Variants in EXD2 observed in about 807,000 individuals in gnomAD.
EXD2 encodes exonuclease 3'-5' domain-containing protein 2.
In EXD2, 40 loss-of-function variants were observed where a neutral mutation model predicts 62.5. The ratio of observed to expected loss-of-function variants is 0.64; its 90% CI spans 0.50 to 0.83. The LOEUF (loss-of-function observed/expected upper bound fraction) is 0.83, where lower values mean the gene tolerates loss of function less well. EXD2 is among the 40% of genes least tolerant of loss of function. The pLI, the probability that EXD2 is intolerant of heterozygous loss-of-function variation, is 0.00. For missense variants in EXD2, 671 were observed against 761.8 expected (o/e 0.88, Z 1.40); for synonymous variants, 239 against 291.9 (o/e 0.82, Z 1.85).
chr14:69,196,541 T>C (rs2042209964), intron 1 of EXD2, among the ~76,000 whole-genome samples: 1 of 152,146 alleles, frequency 6.6e-6, no homozygotes, highest in Non-Finnish European at 1.5e-5. Context: ...ACTGCCAGAC[T>C]GTGTTCCAGA....
Position 69,206,455 on chromosome 14 carries a change from C to CCTTTTT in EXD2, c.-48+2455_-48+2456insCTTTTT, listed in dbSNP as rs60787528. 2.7e-3 allele frequency among the ~76,000 whole-genome samples: 254 copies of CCTTTTT among 94,632 alleles called. 79 individuals are homozygous for CCTTTTT. Among genetic ancestry groups the CCTTTTT allele is most frequent in the African/African-American group, 6.6e-3 (146 of 22,178 alleles). 62.1% of individuals were successfully genotyped at this position (94,632 alleles called of 152,430 possible). A position where few individuals can be genotyped will look rare whatever the true frequency, so the allele number is the denominator to read the frequency against. ...CCCAGCTTCATCTCCCACCCACCCA[C>CCTTTTT]TTTTTTTTTTTTTTTTTTTTTTTTT... On this transcript the variant is annotated intron_variant, in intron 2 of 9. Transcript: ENST00000685843.
chr14:69,207,014 G>A (rs980515002), intron 2 of EXD2, among the ~76,000 whole-genome samples: 1 of 152,134 alleles, frequency 6.6e-6, no homozygotes, highest in African/African-American at 2.4e-5. Context: ...TTCAATAAAA[G>A]CACTGGAGAA....
chr14:69,202,786 G>C (rs2042452341), intron 1 of EXD2, among the ~76,000 whole-genome samples: 1 of 152,138 alleles, frequency 6.6e-6, no homozygotes, highest in Admixed American at 6.5e-5. Flanking sequence ...ATGCAGATTG[G>C]CCTCAATAGA....
At chr14:69,201,565 C>T (rs896456644) in intron 1 of EXD2, among the ~76,000 whole-genome samples, 15 of 152,086 alleles carry the variant, frequency 9.9e-5, no homozygotes, top group African/African-American at 3.6e-4. Flanking sequence ...AAGCTGTTCC[C>T]TCCACTTGCA....
chr14:69,233,411 TAA>T (rs928019063), intron 5 of EXD2, among the ~76,000 whole-genome samples: 2 of 151,768 alleles, frequency 1.3e-5, no homozygotes, highest in African/African-American at 4.8e-5. Context: ...GTTTTTTTTT[TAA>T]ATTTAATTTA....
At chr14:69,238,040 T>C in intron 9 of EXD2, 109 bp downstream of exon 9, 1 of 925,384 alleles carries the variant, frequency 1.1e-6, no homozygotes. Context: ...GTGCCTAGCC[T>C]CATGCTTCAC....
At chr14:69,229,132 T>G in intron 4 of EXD2, 60 bp downstream of exon 4, 4 of 1,594,402 alleles carry the variant, frequency 2.5e-6, no homozygotes, top group Non-Finnish European at 2.6e-6. Context: ...TTAGCCAGAT[T>G]TGTAGATGCC....
intron 3 of EXD2, 54 bp from the exon 4 acceptor site, chr14:69,228,762 A>G: frequency 6.4e-7 from 1 of 1,559,762 alleles, no homozygotes. Flanking sequence ...GTTATATGTT[A>G]TGCTCGCTGC....
Position 69,218,449 on chromosome 14 carries a change from T to C in EXD2, c.333+8646T>C, listed in dbSNP as rs894181468. On this transcript the variant is annotated intron_variant, in intron 3 of 9. Coordinates refer to ENST00000685843, the MANE Select transcript of EXD2 (RefSeq NM_001193360.2). The stretch of plus-strand genomic sequence containing the variant: ...ATTAGCCCTTTATCAGATGAGTAGA[T>C]TGCAAAAATTTTCTCCCATTCTGTA... 5.3e-5 allele frequency among the ~76,000 whole-genome samples: 8 copies of C among 152,332 alleles called. No homozygotes were observed. In the East Asian group the frequency reaches 7.7e-4, roughly 15 times the overall value.
intron 3 of EXD2, among the ~76,000 whole-genome samples, chr14:69,225,351 T>G (rs1265856145): frequency 6.6e-6 from 1 of 152,216 alleles, no homozygotes; most frequent in Non-Finnish European, 1.5e-5. Context: ...GTTTTTTTCT[T>G]TTAAGAATAC....
In EXD2 at chr14:69,199,490, T is replaced by G. The variant is rs75050319; in HGVS notation, c.-131-4427T>G. 4.0e-3 allele frequency among the ~76,000 whole-genome samples: 617 copies of G among 152,366 alleles called. 5 individuals carry two copies. The highest frequency in any genetic ancestry group is 0.014 in the African/African-American group (596 of 41,582). On this transcript the variant is annotated intron_variant, in intron 1 of 9. Coordinates refer to ENST00000685843, the MANE Select transcript of EXD2 (RefSeq NM_001193360.2). ...TATAACTTTTTTATTTTATAAACTT[T>G]TTAATTGTTTTAACTTTTTGACTTG...
intron 3 of EXD2, among the ~76,000 whole-genome samples, chr14:69,220,620 C>T (rs1230527655): frequency 6.7e-6 from 1 of 149,002 alleles, no homozygotes; most frequent in African/African-American, 2.5e-5. Context: ...CCGGTAATCC[C>T]AGCACTTTGG....
chr14:69,234,013 C>G (rs368386976), intron 5 of EXD2, among the ~76,000 whole-genome samples: 1 of 152,062 alleles, frequency 6.6e-6, no homozygotes, highest in Admixed American at 6.6e-5. Context: ...GTGATCTGTT[C>G]GCCTTGGCCT....
chr14:69,199,865 G>A (rs965403911), intron 1 of EXD2, among the ~76,000 whole-genome samples: 3 of 152,092 alleles, frequency 2.0e-5, no homozygotes, highest in South Asian at 2.1e-4. Context: ...GGAGTACACC[G>A]TAAAATAAAA....
rs2044005677 is a variant in EXD2 at position 69,242,494 on chromosome 14, C to T, written c.*1394C>T. 6.5e-6 allele frequency: 1 copy of T among 153,536 alleles called. No homozygotes were observed. The highest frequency in any genetic ancestry group is 2.4e-5 in the African/African-American group (1 of 41,504). The allele number at this position is 153,536 out of a possible 1,614,324, so 9.5% of individuals were successfully genotyped here. A position where few individuals can be genotyped will look rare whatever the true frequency, so the allele number is the denominator to read the frequency against. On this transcript the variant is annotated 3_prime_UTR_variant, in exon 10 of 10. Coordinates refer to ENST00000685843, the MANE Select transcript of EXD2 (RefSeq NM_001193360.2). Reference sequence around the variant, plus strand: ...TGCATGGATATACCAGACACAGTCACCATCGGCCATCAGTAGCAGCCCATG... The same window carrying T: ...TGCATGGATATACCAGACACAGTCATCATCGGCCATCAGTAGCAGCCCATG...
intron 3 of EXD2, among the ~76,000 whole-genome samples, chr14:69,222,028 C>T (rs1264817082): frequency 1.3e-5 from 2 of 149,060 alleles, no homozygotes; most frequent in African/African-American, 2.5e-5. Flanking sequence ...GTGGAGGTTG[C>T]AGTGAGCCAA....
At chr14:69,230,939 T>C (rs1033143254) in intron 5 of EXD2, among the ~76,000 whole-genome samples, 2 of 152,164 alleles carry the variant, frequency 1.3e-5, no homozygotes, top group East Asian at 1.9e-4. Flanking sequence ...TGCACCACCA[T>C]GCCTGGCTAA....
intron 1 of EXD2, among the ~76,000 whole-genome samples, chr14:69,199,957 A>G (rs1234859751): frequency 6.6e-6 from 1 of 152,216 alleles, no homozygotes; most frequent in Non-Finnish European, 1.5e-5. Context: ...CATGTGCTAT[A>G]CTTTTATACG....
chr14:69,229,403 A>G (rs543334030), intron 4 of EXD2, among the ~76,000 whole-genome samples: 1 of 152,366 alleles, frequency 6.6e-6, no homozygotes, highest in African/African-American at 2.4e-5. Flanking sequence ...GTTTAAATCA[A>G]GAATATTTAA....
Sources: allele counts gnomAD v4.1 joint callset (sites outside exome capture counted in the v4.1 genomes callset), GRCh38; gene constraint gnomAD v4.1.1; transcripts MANE v1.5; gene names NCBI Gene and HGNC (gene_info 2026-07-23, HGNC 2026-07-21).